Variants in CNNM2 observed in about 807,000 individuals in gnomAD.
The protein encoded by CNNM2 is cyclin and CBS domain divalent metal cation transport mediator 2, also known as metal transporter CNNM2.
A neutral mutation model predicts 66.9 loss-of-function variants in CNNM2; 12 were observed. That is an observed-to-expected ratio of 0.18 (90% confidence interval 0.11 to 0.29). The LOEUF is 0.29. Ranked by LOEUF, CNNM2 falls within the 10% of genes least tolerant of loss-of-function variation. The probability of loss-of-function intolerance (pLI) is 1.00; values close to 1 mark genes in which losing one functional copy is unlikely to be tolerated. For synonymous variants in CNNM2, 557 were observed against 501.8 expected (o/e 1.11, Z -1.47); for missense variants, 705 against 1,167.7 (o/e 0.60, Z 5.77).
intron 1 of CNNM2, among the ~76,000 whole-genome samples, chr10:103,008,907 T>C (rs1057299391): frequency 2.0e-5 from 3 of 152,198 alleles, no homozygotes; most frequent in Non-Finnish European, 2.9e-5. Flanking sequence ...TAGTATAGTT[T>C]ATAATATGAG....
intron 1 of CNNM2, among the ~76,000 whole-genome samples, chr10:103,041,829 T>G (rs1291164283): frequency 6.6e-6 from 1 of 152,084 alleles, no homozygotes; most frequent in East Asian, 1.9e-4. Context: ...AAGTCTCTCT[T>G]TGGTTCTATC....
intron 1 of CNNM2, among the ~76,000 whole-genome samples, chr10:102,973,283 CTT>C (rs1030712708): frequency 6.8e-6 from 1 of 147,312 alleles, no homozygotes; most frequent in African/African-American, 2.5e-5. Flanking sequence ...TATGCAATAA[CTT>C]TTTTTTTTTG....
intron 1 of CNNM2, among the ~76,000 whole-genome samples, chr10:102,936,155 A>G (rs1018244673): frequency 3.3e-5 from 5 of 152,080 alleles, no homozygotes; most frequent in African/African-American, 1.2e-4. Context: ...ATCTGCAATC[A>G]TAGAAACAAT....
At chr10:102,974,944 G>A (rs1208476649) in intron 1 of CNNM2, among the ~76,000 whole-genome samples, 1 of 152,208 alleles carries the variant, frequency 6.6e-6, no homozygotes, top group Non-Finnish European at 1.5e-5. Context: ...ATTGAAGAAA[G>A]ATCTGCTTTG....
At chr10:103,027,536 GCAAA>G (rs904705754) in intron 1 of CNNM2, 9 of 152,162 alleles carry the variant, frequency 5.9e-5, no homozygotes, top group African/African-American at 2.2e-4. Flanking sequence ...GAGAAACTGA[GCAAA>G]CAATTTGTAG....
intron 4 of CNNM2, among the ~76,000 whole-genome samples, chr10:103,065,699 A>G (rs1478850597): frequency 6.6e-6 from 1 of 152,132 alleles, no homozygotes; most frequent in East Asian, 1.9e-4. Flanking sequence ...CTTCCTCCTG[A>G]TTTCCTGCAT....
intron 1 of CNNM2, among the ~76,000 whole-genome samples, chr10:102,922,588 C>T (rs1044743290): frequency 6.6e-6 from 1 of 152,106 alleles, no homozygotes; most frequent in Non-Finnish European, 1.5e-5. Context: ...CAAACAACCC[C>T]AACAATACCA....
intron 1 of CNNM2, among the ~76,000 whole-genome samples, chr10:103,046,237 A>G (rs1007266467): frequency 8.5e-5 from 13 of 152,194 alleles, no homozygotes; most frequent in African/African-American, 3.1e-4. Flanking sequence ...GTAATGGCTA[A>G]TGAGTGGCCT....
chr10:102,957,975 C>T (rs569495930), intron 1 of CNNM2, among the ~76,000 whole-genome samples: 7 of 152,266 alleles, frequency 4.6e-5, no homozygotes, highest in Non-Finnish European at 1.0e-4. Context: ...TTGCTCTTGT[C>T]GCCCAGGCTG....
At chr10:103,018,509 T>C (rs571839789) in intron 1 of CNNM2, among the ~76,000 whole-genome samples, 1 of 151,958 alleles carries the variant, frequency 6.6e-6, no homozygotes, top group African/African-American at 2.4e-5. Flanking sequence ...CAAAATGAGA[T>C]CATTACTCAA....
At chr10:102,965,884 T>C (rs1356638909) in intron 1 of CNNM2, among the ~76,000 whole-genome samples, 2 of 152,218 alleles carry the variant, frequency 1.3e-5, no homozygotes, top group African/African-American at 2.4e-5. Context: ...CTCTGTGTTT[T>C]CTGTTTCAGG....
intron 1 of CNNM2, among the ~76,000 whole-genome samples, chr10:102,941,900 G>C (rs1333985424): frequency 6.6e-6 from 1 of 152,212 alleles, no homozygotes; most frequent in Admixed American, 6.5e-5. Flanking sequence ...TGGCACATAG[G>C]TGCTTAATAG....
chr10:103,052,599 C>T (rs1366273463), intron 2 of CNNM2, among the ~76,000 whole-genome samples: 1 of 151,666 alleles, frequency 6.6e-6, no homozygotes, highest in African/African-American at 2.4e-5. Context: ...CTGCAACCTC[C>T]GCCTCCTGGG....
intron 1 of CNNM2, among the ~76,000 whole-genome samples, chr10:103,023,050 A>C (rs1283784783): frequency 1.3e-5 from 2 of 152,052 alleles, no homozygotes; most frequent in African/African-American, 4.8e-5. Context: ...TTACAGGTGC[A>C]CACCACCACA....
At position 103,076,066 on chromosome 10, in the gene CNNM2, A is replaced by AT. The variant is rs1351294399; in HGVS notation, c.2234-15dup. 1.3e-6 allele frequency: 2 copies of AT among 1,599,242 alleles called. No homozygotes were observed. The highest frequency in any genetic ancestry group is 1.7e-6 in the Non-Finnish European group (2 of 1,170,374). The stretch of plus-strand genomic sequence containing the variant: ...GTATCTACTTCACTTAAACAGTTGG[A>AT]TTTTTCCCTCCTTTTCCAGGTGAAA... On this transcript the variant is annotated intron_variant, in intron 6 of 7. Transcript: ENST00000369878.
chr10:102,965,570 A>T (rs919721702), intron 1 of CNNM2, among the ~76,000 whole-genome samples: 1 of 152,140 alleles, frequency 6.6e-6, no homozygotes, highest in Non-Finnish European at 1.5e-5. Flanking sequence ...TTGCCAGTAG[A>T]TGGCTTTTAA....
chr10:102,918,879 C>T lies in CNNM2; in HGVS notation c.399C>T (p.Arg133=). 1 of 1,608,156 alleles carries T rather than the reference C, an allele frequency of 6.2e-7. No homozygotes were observed. Among genetic ancestry groups the T allele is most frequent in the Non-Finnish European group, 8.5e-7 (1 of 1,177,228 alleles). ...GGCGGCGCCACAGCCCGGGGGAGCG[C>T]GGGCTGGGGGGCCCCGCGCCGCCAG... ...HERRRHSPGE[R]GLGGPAPPEP... is the part of the protein sequence containing the mutation. Residue 133 remains arginine (R), a synonymous_variant, in exon 1 of 8, where the codon CGC becomes CGT. Transcript: ENST00000369878. This position sits in a 1 kb window ranked among gnomAD's most constrained non-coding sequence, Gnocchi z 4.1.
chr10:103,041,983 G>C (rs1351718654), intron 1 of CNNM2, among the ~76,000 whole-genome samples: 2 of 152,098 alleles, frequency 1.3e-5, no homozygotes, highest in African/African-American at 4.8e-5. Flanking sequence ...TTACCTCTGT[G>C]TCTCTCTCTC....
intron 4 of CNNM2, among the ~76,000 whole-genome samples, chr10:103,063,162 A>G (rs956873779): frequency 1.4e-4 from 22 of 152,186 alleles, no homozygotes; most frequent in African/African-American, 5.1e-4. Context: ...CAATATTTAG[A>G]AAAGTAAATT....
Sources: allele counts gnomAD v4.1 joint callset (sites outside exome capture counted in the v4.1 genomes callset), GRCh38; gene constraint gnomAD v4.1.1; non-coding constraint Gnocchi (gnomAD v3.1); transcripts MANE v1.5; gene names NCBI Gene and HGNC (gene_info 2026-07-23, HGNC 2026-07-21).